Variants in ANKRD17 observed in about 807,000 individuals in gnomAD.
The protein encoded by ANKRD17 is ankyrin repeat domain-containing protein 17.
ANKRD17 carries 19 observed loss-of-function variants against 229.7 expected under a neutral mutation model. The observed-to-expected ratio is 0.08, with a 90% CI of 0.06 to 0.12. The LOEUF (loss-of-function observed/expected upper bound fraction) is 0.12, where lower values mean the gene tolerates loss of function less well. ANKRD17 is among the 10% of genes least tolerant of loss of function. The pLI is 1.00. For missense variants in ANKRD17, 2,176 were observed against 3,176.8 expected, an observed-to-expected ratio of 0.68 and a Z score of 7.57; for synonymous variants, 1,112 against 1,146.1, an observed-to-expected ratio of 0.97 and a Z score of 0.60.
chr4:73,082,883 C>A (rs922584274), intron 30 of ANKRD17, among the ~76,000 whole-genome samples: 1 of 151,976 alleles, frequency 6.6e-6, no homozygotes, highest in African/African-American at 2.4e-5. Context: ...TAAATATGCA[C>A]CATATATTAG....
intron 1 of ANKRD17, among the ~76,000 whole-genome samples, chr4:73,182,737 G>A (rs570249792): frequency 1.3e-5 from 2 of 152,258 alleles, no homozygotes; most frequent in South Asian, 4.1e-4. Flanking sequence ...TCCAGTACAT[G>A]AAAATTAGTA....
rs377037593 is a variant in ANKRD17 at position 73,139,784 on chromosome 4, A to G, written c.2832T>C (p.Thr944=). 1.1e-5 allele frequency: 18 copies of G among 1,614,098 alleles called. No individual in the cohort carries two copies. The highest frequency in any genetic ancestry group is 5.3e-5 in the African/African-American group (4 of 74,932). The change falls in exon 15 of 34, where the codon ACT becomes ACC. Residue 944 remains threonine, a synonymous_variant. Coordinates refer to ENST00000358602, the MANE Select transcript of ANKRD17 (RefSeq NM_032217.5). ...PVLLKDEPQQ[T]AAQMGFAPIQ... is the part of the protein sequence containing the mutation. Reference sequence around the variant, plus strand: ...TTGGCGCAAAACCCATCTGAGCAGCAGTCTGCTGGGGTTCATCTTTAAGTA... The same window carrying G: ...TTGGCGCAAAACCCATCTGAGCAGCGGTCTGCTGGGGTTCATCTTTAAGTA...
intron 1 of ANKRD17, among the ~76,000 whole-genome samples, chr4:73,225,861 C>CAAAAAAA (rs375866026): frequency 4.5e-4 from 30 of 66,694 alleles, no homozygotes; most frequent in South Asian, 8.8e-4. Flanking sequence ...GACTCTGTCT[C>CAAAAAAA]AAAAAAAAAA....
chr4:73,210,535 G>A (rs554615008), intron 1 of ANKRD17, among the ~76,000 whole-genome samples: 14 of 152,084 alleles, frequency 9.2e-5, no homozygotes, highest in Non-Finnish European at 1.9e-4. Flanking sequence ...ATATGGCCAA[G>A]AAGCCACAAG....
intron 1 of ANKRD17, among the ~76,000 whole-genome samples, chr4:73,203,890 G>A (rs1037202483): frequency 1.3e-5 from 2 of 151,264 alleles, no homozygotes; most frequent in African/African-American, 2.4e-5. Context: ...GTGCACCAAG[G>A]CACATCACAA....
intron 1 of ANKRD17, among the ~76,000 whole-genome samples, chr4:73,212,395 C>T (rs1038037916): frequency 8.5e-5 from 13 of 152,166 alleles, no homozygotes; most frequent in African/African-American, 3.1e-4. Flanking sequence ...ATATATTCTT[C>T]CATAATTCAT....
chr4:73,076,024 T>G lies in ANKRD17; in HGVS notation c.*207A>C. 2.3e-6 allele frequency: 1 copy of G among 431,340 alleles called. No individual in the cohort carries two copies. 26.7% of individuals were successfully genotyped at this position (431,340 alleles called of 1,614,324 possible). A position where few individuals can be genotyped will look rare whatever the true frequency, so the allele number is the denominator to read the frequency against. ...AAAAGAAAAATGATAAGAAAAATGC[T>G]AACTAAGGTAAAACGGATGATGATG... On this transcript the variant is annotated 3_prime_UTR_variant, in exon 34 of 34. Coordinates refer to ENST00000358602, the MANE Select transcript of ANKRD17 (RefSeq NM_032217.5).
chr4:73,191,435 T>G (rs1422116824), intron 1 of ANKRD17, among the ~76,000 whole-genome samples: 3 of 142,426 alleles, frequency 2.1e-5, no homozygotes, highest in African/African-American at 8.0e-5. Context: ...TAAAACTAAG[T>G]AGTAGAAGAA....
intron 3 of ANKRD17, among the ~76,000 whole-genome samples, chr4:73,160,364 G>GTGCTT (rs1732361920): frequency 6.6e-6 from 1 of 151,992 alleles, no homozygotes; most frequent in Non-Finnish European, 1.5e-5. Context: ...GATTGCAGGC[G>GTGCTT]TGCGCCACCA....
At chr4:73,250,359 T>C (rs1467705630) in intron 1 of ANKRD17, among the ~76,000 whole-genome samples, 1 of 151,890 alleles carries the variant, frequency 6.6e-6, no homozygotes, top group Non-Finnish European at 1.5e-5. Flanking sequence ...CCCAGCACTT[T>C]GGGGGCCAAG....
At chr4:73,243,981 G>C (rs565890319) in intron 1 of ANKRD17, among the ~76,000 whole-genome samples, 2 of 152,128 alleles carry the variant, frequency 1.3e-5, no homozygotes, top group Admixed American at 6.6e-5. Context: ...TCTGGAGACT[G>C]TAAGTCCAAG....
At chr4:73,141,090 A>C (rs1729542619) in intron 14 of ANKRD17, among the ~76,000 whole-genome samples, 1 of 152,222 alleles carries the variant, frequency 6.6e-6, no homozygotes, top group African/African-American at 2.4e-5. Context: ...TCTTGTTCAT[A>C]AAAGAGTATA....
rs111395365 is a variant in ANKRD17, at chr4:73,112,267, T to TTGTC, written c.4401+1524_4401+1525insGACA. ...AAAATGATGGCAGCTGTTCTTGTCT[T>TTGTC]TGTTTCACAGTTTAAACTGAGCACA... On this transcript the variant is annotated intron_variant, in intron 24 of 33. Coordinates refer to ENST00000358602, the MANE Select transcript of ANKRD17 (RefSeq NM_032217.5). 1.5e-3 allele frequency among the ~76,000 whole-genome samples: 223 copies of TTGTC among 152,312 alleles called. 1 individual carries two copies. The South Asian group carries it at 0.016, about 11-fold the overall frequency.
chr4:73,120,455 A>C (rs993844574), intron 20 of ANKRD17, 118 bp from the exon 21 acceptor site: 3 of 906,542 alleles, frequency 3.3e-6, no homozygotes, highest in Non-Finnish European at 4.9e-6. Context: ...ATTCACAACT[A>C]AATTTAATCA....
At chr4:73,176,086 T>C (rs1282080475) in intron 2 of ANKRD17, among the ~76,000 whole-genome samples, 1 of 150,476 alleles carries the variant, frequency 6.6e-6, no homozygotes, top group South Asian at 2.1e-4. Context: ...CCAGAATATA[T>C]AAGGAGCTCA....
chr4:73,219,909 G>A (rs543671807), intron 1 of ANKRD17, among the ~76,000 whole-genome samples: 14 of 152,088 alleles, frequency 9.2e-5, no homozygotes, highest in Non-Finnish European at 2.1e-4. Flanking sequence ...GGAAATATCT[G>A]TGAAGATTTC....
At chr4:73,118,963 T>C in intron 21 of ANKRD17, 113 bp from the exon 22 acceptor site, 3 of 1,109,226 alleles carry the variant, frequency 2.7e-6, no homozygotes, top group Non-Finnish European at 3.8e-6. Context: ...CATGGCTCAC[T>C]GCAGCCTCCA....
intron 30 of ANKRD17, 42 bp from the exon 31 acceptor site, chr4:73,078,932 A>T: frequency 6.5e-7 from 1 of 1,545,420 alleles, no homozygotes; most frequent in Non-Finnish European, 8.7e-7. Flanking sequence ...GGTCATCTAT[A>T]GAACATGTAA....
At position 73,095,805 on chromosome 4, in the gene ANKRD17, T is replaced by A. The variant is rs1723232684; in HGVS notation, c.5177+1312A>T. 2.6e-5 allele frequency among the ~76,000 whole-genome samples: 4 copies of A among 152,048 alleles called. No homozygotes were observed. The South Asian group carries it at 8.3e-4, about 31-fold the overall frequency. On this transcript the variant is annotated intron_variant, in intron 27 of 33. Coordinates refer to ENST00000358602, the MANE Select transcript of ANKRD17 (RefSeq NM_032217.5). ...CCTGGGCATAAGCAATCCTCCCACC[T>A]TTCCCAAGTAGCTGAGATTACAAGC...
Sources: gnomAD v4.1 joint callset for allele counts (sites outside exome capture counted in the v4.1 genomes callset) on GRCh38, gnomAD v4.1.1 for gene constraint, MANE v1.5 for transcripts, NCBI Gene and HGNC (gene_info 2026-07-23, HGNC 2026-07-21) for gene names.